Variants in HPSE2 observed in about 807,000 individuals in gnomAD.
HPSE2 encodes heparanase 2 (inactive).
Under a neutral mutation model 60.5 loss-of-function variants are expected in HPSE2, and 38 were observed. The ratio of observed to expected loss-of-function variants is 0.63; its 90% confidence interval spans 0.48 to 0.82. The LOEUF (loss-of-function observed/expected upper bound fraction) is 0.82. Among genes scored for constraint, HPSE2 ranks in the 40% least tolerant of loss-of-function variants. The pLI is 0.00. For missense variants in HPSE2, 713 were observed against 740.4 expected, an observed-to-expected ratio of 0.96 and a Z score of 0.43; for synonymous variants, 295 against 293.2, an observed-to-expected ratio of 1.01 and a Z score of -0.06.
chr10:98,690,663 G>A (rs1369686369), intron 6 of HPSE2, among the ~76,000 whole-genome samples: 1 of 151,510 alleles, frequency 6.6e-6, no homozygotes, highest in African/African-American at 2.4e-5. Context: ...TGCCTTTTTT[G>A]GTCATAAGCC....
At chr10:99,173,102 G>C (rs1480482834) in intron 2 of HPSE2, among the ~76,000 whole-genome samples, 1 of 152,152 alleles carries the variant, frequency 6.6e-6, no homozygotes, top group Non-Finnish European at 1.5e-5. Flanking sequence ...AAGAAAGCTA[G>C]AAAGCCAGGC....
chr10:99,152,905 G>A (rs902106282), intron 2 of HPSE2, among the ~76,000 whole-genome samples: 9 of 152,224 alleles, frequency 5.9e-5, no homozygotes, highest in Admixed American at 2.0e-4. Flanking sequence ...CATCGTGCGC[G>A]AGCCGAAGCA....
At chr10:98,854,214 T>C (rs545565073) in intron 3 of HPSE2, among the ~76,000 whole-genome samples, 61 of 152,294 alleles carry the variant, frequency 4.0e-4, no homozygotes, top group African/African-American at 1.4e-3. Flanking sequence ...CTTTGCATCG[T>C]AATGACTATT....
At chr10:98,753,762 T>G (rs1281917857) in intron 3 of HPSE2, among the ~76,000 whole-genome samples, 2 of 152,260 alleles carry the variant, frequency 1.3e-5, no homozygotes, top group East Asian at 3.9e-4. Context: ...CCTCGGCCCC[T>G]GAAATCCAGA....
chr10:99,311,547 C>T, the HPSE2 span, among the ~76,000 whole-genome samples: 1 of 152,178 alleles, frequency 6.6e-6, no homozygotes, highest in African/African-American at 2.4e-5. Context: ...AGATGACAAA[C>T]TTAACCAATA....
At chr10:99,067,619 C>A (rs1842657211) in intron 3 of HPSE2, among the ~76,000 whole-genome samples, 1 of 152,172 alleles carries the variant, frequency 6.6e-6, no homozygotes, top group Non-Finnish European at 1.5e-5. Context: ...ACAGCTGGAG[C>A]AGCTAGGACA....
intron 5 of HPSE2, among the ~76,000 whole-genome samples, chr10:98,701,497 G>A (rs190544870): frequency 9.0e-6 from 1 of 110,968 alleles, no homozygotes; most frequent in Non-Finnish European, 1.8e-5. Context: ...TTGTGGGGTG[G>A]GGGGAGGGGG....
intron 3 of HPSE2, among the ~76,000 whole-genome samples, chr10:99,079,569 C>T (rs149936145): frequency 3.9e-5 from 6 of 152,218 alleles, no homozygotes; most frequent in African/African-American, 1.4e-4. Flanking sequence ...ATGGTAAACG[C>T]CAGCCTAAAC....
At chr10:98,932,390 T>G (rs1213261742) in intron 3 of HPSE2, among the ~76,000 whole-genome samples, 1 of 144,204 alleles carries the variant, frequency 6.9e-6, no homozygotes, top group Non-Finnish European at 1.5e-5. Flanking sequence ...ATTGAGGATT[T>G]TTGCACAGAT....
At chr10:99,150,005 G>A (rs1389287570) in intron 2 of HPSE2, among the ~76,000 whole-genome samples, 1 of 151,736 alleles carries the variant, frequency 6.6e-6, no homozygotes, top group African/African-American at 2.4e-5. Context: ...CCAAACTTGG[G>A]TCCAAATATG....
At chr10:98,800,944 A>T (rs1011021976) in intron 3 of HPSE2, among the ~76,000 whole-genome samples, 2 of 152,192 alleles carry the variant, frequency 1.3e-5, no homozygotes, top group Admixed American at 6.5e-5. Flanking sequence ...ACAGGCCAAT[A>T]TCTCTGATGA....
At chr10:99,179,639 C>T (rs1847676271) in intron 2 of HPSE2, among the ~76,000 whole-genome samples, 1 of 151,996 alleles carries the variant, frequency 6.6e-6, no homozygotes, top group Non-Finnish European at 1.5e-5. Context: ...ACATTCCATG[C>T]TTATGGATAG....
chr10:98,675,539 TACACACACACACACACACAC>T lies in HPSE2; in HGVS notation c.1004+18341_1004+18360del, dbSNP rs774393556. 6.6e-5 allele frequency among the ~76,000 whole-genome samples: 8 copies of T among 121,488 alleles called. No individual in the cohort carries two copies. The Admixed American group carries it at 7.5e-4, about 11-fold the overall frequency. The allele number at this position is 121,488 out of a possible 152,430, so 79.7% of individuals were successfully genotyped here. A position where few individuals can be genotyped will look rare whatever the true frequency, so the allele number is the denominator to read the frequency against. On this transcript the variant is annotated intron_variant, in intron 6 of 11. Coordinates refer to ENST00000370552, the MANE Select transcript of HPSE2 (RefSeq NM_021828.5). The stretch of plus-strand genomic sequence containing the variant: ...TAAGCAACACAGTGAGATCCCTGTC[TACACACACACACACACACAC>T]ACACACACACACACACACAATAACC...
chr10:98,983,608 C>T (rs561875993), intron 3 of HPSE2, among the ~76,000 whole-genome samples: 2 of 152,316 alleles, frequency 1.3e-5, no homozygotes, highest in South Asian at 2.1e-4. Flanking sequence ...ACAAATGGGT[C>T]GTGGGTCCAT....
At chr10:99,282,355 C>T in the HPSE2 span, among the ~76,000 whole-genome samples, 1 of 152,032 alleles carries the variant, frequency 6.6e-6, no homozygotes, top group African/African-American at 2.4e-5. Flanking sequence ...TACATATGCA[C>T]AAAGTCCCAA....
chr10:99,095,805 T>C (rs1481018661), intron 3 of HPSE2, among the ~76,000 whole-genome samples: 1 of 152,246 alleles, frequency 6.6e-6, no homozygotes, highest in Non-Finnish European at 1.5e-5. Flanking sequence ...ATTTCTACTT[T>C]TTAGCAATTA....
intron 2 of HPSE2, among the ~76,000 whole-genome samples, chr10:99,220,325 C>T (rs952747976): frequency 5.3e-5 from 8 of 151,994 alleles, no homozygotes; most frequent in South Asian, 2.1e-4. Flanking sequence ...AGGTCCTCTG[C>T]ATATATTCTT....
At chr10:98,809,618 G>T (rs1022044602) in intron 3 of HPSE2, among the ~76,000 whole-genome samples, 1 of 152,116 alleles carries the variant, frequency 6.6e-6, no homozygotes, top group African/African-American at 2.4e-5. Flanking sequence ...AATTACAGTG[G>T]ATGATCATAG....
At chr10:99,198,783 A>C (rs1284490833) in intron 2 of HPSE2, among the ~76,000 whole-genome samples, 1 of 152,216 alleles carries the variant, frequency 6.6e-6, no homozygotes, top group Non-Finnish European at 1.5e-5. Context: ...GCTGATCTTA[A>C]TGAATTAATT....
Sources: gnomAD v4.1 joint callset for allele counts (sites outside exome capture counted in the v4.1 genomes callset) on GRCh38, gnomAD v4.1.1 for gene constraint, MANE v1.5 for transcripts, NCBI Gene and HGNC (gene_info 2026-07-23, HGNC 2026-07-21) for gene names.